Variants in AGBL4 observed in about 807,000 individuals in gnomAD.
AGBL4 encodes cytosolic carboxypeptidase 6.
In AGBL4, 58 loss-of-function variants were observed where a neutral mutation model predicts 66.4. That is an observed-to-expected ratio of 0.87 (90% CI 0.71 to 1.09). The LOEUF is 1.09. Ranked by LOEUF, AGBL4 falls within the 50% of genes least tolerant of loss-of-function variation. AGBL4 has a pLI of 0.00. For synonymous variants in AGBL4, 234 were observed against 222.9 expected (o/e 1.05, Z -0.44); for missense variants, 579 against 631.0 (o/e 0.92, Z 0.88).
At chr1:49,344,525 A>T (rs1452116359) in intron 3 of AGBL4, among the ~76,000 whole-genome samples, 2 of 152,198 alleles carry the variant, frequency 1.3e-5, no homozygotes, top group Non-Finnish European at 2.9e-5. Context: ...TCTTGTAAAA[A>T]ATTCTGTGTG....
At chr1:49,368,265 G>A (rs1644277786) in intron 3 of AGBL4, among the ~76,000 whole-genome samples, 1 of 151,946 alleles carries the variant, frequency 6.6e-6, no homozygotes, top group African/African-American at 2.4e-5. Context: ...AATTCTTGGG[G>A]GTATATACCT....
intron 4 of AGBL4, among the ~76,000 whole-genome samples, chr1:49,123,907 C>T (rs766937592): frequency 6.6e-6 from 1 of 152,144 alleles, no homozygotes; most frequent in Non-Finnish European, 1.5e-5. Flanking sequence ...TTTTCCTACT[C>T]TCATTTTGCC....
intron 3 of AGBL4, among the ~76,000 whole-genome samples, chr1:49,515,066 A>G (rs1649656237): frequency 6.6e-6 from 1 of 152,176 alleles, no homozygotes; most frequent in Non-Finnish European, 1.5e-5. Context: ...GAGCTTCTGC[A>G]CAGCAAAAGA....
intron 4 of AGBL4, among the ~76,000 whole-genome samples, chr1:49,198,783 A>C (rs1333174249): frequency 6.6e-6 from 1 of 151,832 alleles, no homozygotes; most frequent in Non-Finnish European, 1.5e-5. Context: ...ATTTCTTCTA[A>C]GTTTCTTGGC....
chr1:49,778,420 G>A lies in AGBL4; in HGVS notation c.157+72976C>T, dbSNP rs766298763. On this transcript the variant is annotated intron_variant, in intron 2 of 13. Coordinates refer to ENST00000371839, the MANE Select transcript of AGBL4 (RefSeq NM_032785.4). Reference sequence around the variant, plus strand: ...TGAGTAAGGCTGGCCCAGGATACCTGAGTCCCTGAAACTCCTTCCCAAAAC... The same window carrying A: ...TGAGTAAGGCTGGCCCAGGATACCTAAGTCCCTGAAACTCCTTCCCAAAAC... Among the ~76,000 whole-genome samples, 74 of 152,260 alleles carry A rather than the reference G, an allele frequency of 4.9e-4. 1 individual carries two copies. The highest frequency in any genetic ancestry group is 2.2e-4 in the Non-Finnish European group (15 of 68,018).
At chr1:48,591,809 T>C (rs1367586738) in intron 9 of AGBL4, among the ~76,000 whole-genome samples, 1 of 152,220 alleles carries the variant, frequency 6.6e-6, no homozygotes, top group Non-Finnish European at 1.5e-5. Context: ...CTCTGCTCTT[T>C]ACTTACACAT....
intron 5 of AGBL4, among the ~76,000 whole-genome samples, chr1:48,900,189 A>G (rs1651947203): frequency 6.6e-6 from 1 of 152,164 alleles, no homozygotes; most frequent in Non-Finnish European, 1.5e-5. Flanking sequence ...GATGGGGACC[A>G]AGAAAGATGA....
chr1:48,604,521 T>C (rs1399940886), intron 9 of AGBL4, among the ~76,000 whole-genome samples: 1 of 152,162 alleles, frequency 6.6e-6, no homozygotes, highest in Non-Finnish European at 1.5e-5. Context: ...TTAATATAAA[T>C]TAAGCATAAG....
At chr1:49,341,070 TC>T (rs1161089590) in intron 3 of AGBL4, among the ~76,000 whole-genome samples, 1 of 152,208 alleles carries the variant, frequency 6.6e-6, no homozygotes, top group Non-Finnish European at 1.5e-5. Context: ...GACACATTCC[TC>T]CTTTTGCTTT....
At chr1:49,724,732 G>C (rs1648881265) in intron 2 of AGBL4, among the ~76,000 whole-genome samples, 1 of 151,950 alleles carries the variant, frequency 6.6e-6, no homozygotes, top group Non-Finnish European at 1.5e-5. Context: ...TGATCCAACA[G>C]GATTAGTGTT....
chr1:49,078,963 C>G (rs1271933588), intron 4 of AGBL4, among the ~76,000 whole-genome samples: 1 of 151,372 alleles, frequency 6.6e-6, no homozygotes, highest in Non-Finnish European at 1.5e-5. Flanking sequence ...TACCTCTCAT[C>G]CAACTTGTAG....
At chr1:49,647,867 A>C (rs1253484608) in intron 3 of AGBL4, among the ~76,000 whole-genome samples, 2 of 151,928 alleles carry the variant, frequency 1.3e-5, no homozygotes, top group Non-Finnish European at 1.5e-5. Context: ...AAAAAAAAAA[A>C]AAAACCTGAG....
intron 4 of AGBL4, among the ~76,000 whole-genome samples, chr1:49,115,002 T>C (rs1319087698): frequency 6.6e-6 from 1 of 151,916 alleles, no homozygotes; most frequent in Admixed American, 6.6e-5. Context: ...GTTGGAAAAA[T>C]GATGCCAATA....
intron 3 of AGBL4, among the ~76,000 whole-genome samples, chr1:49,447,729 C>T (rs946163513): frequency 6.6e-6 from 1 of 152,234 alleles, no homozygotes; most frequent in Admixed American, 6.5e-5. Flanking sequence ...CTCTCTCATC[C>T]TTTTTTCACA....
intron 4 of AGBL4, among the ~76,000 whole-genome samples, chr1:49,225,385 A>C (rs994282407): frequency 2.0e-5 from 3 of 152,218 alleles, no homozygotes; most frequent in African/African-American, 7.2e-5. Context: ...TTAAAAATGG[A>C]AAGGGCCACA....
intron 3 of AGBL4, among the ~76,000 whole-genome samples, chr1:49,592,092 T>A (rs1644762379): frequency 6.6e-6 from 1 of 152,116 alleles, no homozygotes; most frequent in East Asian, 1.9e-4. Context: ...ACAAATGGGA[T>A]CTAATTAAAC....
At chr1:48,987,887 T>G (rs1397399514) in intron 5 of AGBL4, among the ~76,000 whole-genome samples, 1 of 152,050 alleles carries the variant, frequency 6.6e-6, no homozygotes, top group Non-Finnish European at 1.5e-5. Context: ...TCCAGTGTGG[T>G]TCTATGAAGA....
At chr1:49,708,339 C>T (rs1015435419) in intron 2 of AGBL4, among the ~76,000 whole-genome samples, 3 of 151,824 alleles carry the variant, frequency 2.0e-5, no homozygotes, top group African/African-American at 7.3e-5. Flanking sequence ...TCTGCTTGAT[C>T]AATTTGGCTA....
chr1:48,670,585 C>T (rs1646261096), intron 6 of AGBL4, among the ~76,000 whole-genome samples: 1 of 152,280 alleles, frequency 6.6e-6, no homozygotes, highest in Admixed American at 6.5e-5. Context: ...TCTCCCCAGA[C>T]AGGCTGCTCT....
Sources: gnomAD v4.1 joint callset for allele counts (sites outside exome capture counted in the v4.1 genomes callset) on GRCh38, gnomAD v4.1.1 for gene constraint, MANE v1.5 for transcripts, NCBI Gene and HGNC (gene_info 2026-07-23, HGNC 2026-07-21) for gene names.